Variants in MYO7A observed in about 807,000 individuals in gnomAD.
MYO7A encodes unconventional myosin-VIIa.
In MYO7A, 210 loss-of-function variants were observed where a neutral mutation model predicts 263.8. That is an observed-to-expected ratio of 0.80 (90% confidence interval 0.71 to 0.89). MYO7A has a LOEUF of 0.89. MYO7A is among the 40% of genes least tolerant of loss of function. The pLI is 0.00. For synonymous variants in MYO7A, 1,239 were observed against 1,197.3 expected (o/e 1.03, Z -0.72); for missense variants, 2,820 against 2,968.3 (o/e 0.95, Z 1.16).
In MYO7A at chr11:77,205,625, G is replaced by A. The variant is rs777902873; in HGVS notation, c.5636+8G>A. On this transcript the variant is annotated splice_region_variant and intron_variant, in intron 40 of 48. Coordinates refer to ENST00000409709, the MANE Select transcript of MYO7A (RefSeq NM_000260.4). Reference sequence around the variant, plus strand: ...GCTCCAGAAAGCCCTGAGGTACAGCGGCCACCAGGGGCAGGGACAGACACT... The same window carrying A: ...GCTCCAGAAAGCCCTGAGGTACAGCAGCCACCAGGGGCAGGGACAGACACT... The A allele has an allele frequency of 5.0e-5, 80 of 1,612,844 alleles. No homozygotes were observed. Among genetic ancestry groups the A allele is most frequent in the Non-Finnish European group, 5.6e-5 (66 of 1,179,746 alleles).
chr11:77,175,347 C>T, intron 17 of MYO7A, 25 bp from the exon 18 acceptor site: 2 of 1,610,242 alleles, frequency 1.2e-6, no homozygotes, highest in Non-Finnish European at 1.7e-6. Context: ...TGTCCATTCC[C>T]TTGTGTTCCC....
chr11:77,181,406 G>T lies in MYO7A; in HGVS notation c.2721G>T (p.Glu907Asp). ...AGCGCCTGGCCCAGCTGGCTCGTGA[G>T]GACGCTGAGCGGGAGCTGAAGGAGA... ...HQERLAQLAR[E>D]DAERELKEKE... is the part of the protein sequence containing the mutation. The change falls in exon 23 of 49, where the codon GAG (glutamate) becomes GAT (aspartate). Residue 907 changes from glutamate (E) to aspartate (D), a missense_variant. Physicochemically the swap from Glu to Asp is conservative, Grantham distance 45. Transcript: ENST00000409709. The T allele has an allele frequency of 6.3e-7, 1 of 1,579,342 alleles. No individual in the cohort carries two copies. The highest frequency in any genetic ancestry group is 8.6e-7 in the Non-Finnish European group (1 of 1,163,394).
At chr11:77,185,632 T>G (rs1470514982) in intron 27 of MYO7A, among the ~76,000 whole-genome samples, 1 of 152,226 alleles carries the variant, frequency 6.6e-6, no homozygotes, top group Non-Finnish European at 1.5e-5. Context: ...CAGTCATTCA[T>G]GAAGTTTGGA....
Position 77,142,459 on chromosome 11 carries a change from A to G in MYO7A, c.19-250A>G, listed in dbSNP as rs1446078953. On this transcript the variant is annotated intron_variant, in intron 2 of 48. Transcript: ENST00000409709. The stretch of plus-strand genomic sequence containing the variant: ...CTTTGAGAGGCCTTGGCTCTCTCTG[A>G]GCCTCTGCTAAGTCATCCATAAAAT... 2.4e-5 allele frequency: 13 copies of G among 534,458 alleles called. No homozygotes were observed. In the East Asian group the frequency reaches 3.7e-4, roughly 15 times the overall value. The allele number at this position is 534,458 out of a possible 1,614,324, so 33.1% of individuals were successfully genotyped here.
At position 77,179,028 on chromosome 11, in the gene MYO7A, C is replaced by A; in HGVS notation, c.2283-17C>A. On this transcript the variant is annotated splice_polypyrimidine_tract_variant and intron_variant, in intron 19 of 48. Transcript: ENST00000409709. ...GCCTCTGGACACTGCTCACCCGCGC[C>A]ACTACTGCTGTTTCAGGTCTAACTT... The A allele has an allele frequency of 6.3e-7, 1 of 1,589,964 alleles. No homozygotes were observed. Among genetic ancestry groups the A allele is most frequent in the South Asian group, 1.1e-5 (1 of 87,114 alleles).
intron 2 of MYO7A, among the ~76,000 whole-genome samples, chr11:77,136,915 G>T (rs1159494657): frequency 6.6e-6 from 1 of 152,088 alleles, no homozygotes; most frequent in Non-Finnish European, 1.5e-5. Context: ...TCTGTGCCTG[G>T]GTCTGTCCAC....
At chr11:77,158,462 CCCTGCGCCAAG>C (rs1470576002) in intron 9 of MYO7A, 32 bp downstream of exon 9, 4 of 1,603,320 alleles carry the variant, frequency 2.5e-6, no homozygotes, top group Non-Finnish European at 3.4e-6. Flanking sequence ...CCTGCCCCAC[CCCTGCGCCAAG>C]GGCAGTGCAG....
chr11:77,166,568 C>T (rs1225571103), intron 15 of MYO7A, among the ~76,000 whole-genome samples: 6 of 152,174 alleles, frequency 3.9e-5, no homozygotes, highest in Non-Finnish European at 7.3e-5. Flanking sequence ...GTGCCAGCCC[C>T]AGACCCCATC....
chr11:77,196,952 AC>A (rs1446554302), intron 32 of MYO7A, among the ~76,000 whole-genome samples: 2 of 152,168 alleles, frequency 1.3e-5, no homozygotes, highest in East Asian at 3.9e-4. Context: ...CTCACGGATC[AC>A]CTCACCTCCA....
chr11:77,183,053 C>A lies in MYO7A; in HGVS notation c.3286-15C>A. The stretch of plus-strand genomic sequence containing the variant: ...CTGCTCAGCCACTTGACCCTGATCC[C>A]TGCTGGTCCTGCAGGCCCAGCTCCC... On this transcript the variant is annotated splice_polypyrimidine_tract_variant and intron_variant, in intron 25 of 48. Coordinates refer to ENST00000409709, the MANE Select transcript of MYO7A (RefSeq NM_000260.4). 1 of 1,549,840 alleles carries A rather than the reference C, an allele frequency of 6.5e-7. No individual in the cohort carries two copies. Among genetic ancestry groups the A allele is most frequent in the South Asian group, 1.2e-5 (1 of 84,006 alleles).
chr11:77,147,768 A>G, intron 3 of MYO7A, 30 bp from the exon 4 acceptor site: 19 of 1,602,588 alleles, frequency 1.2e-5, no homozygotes, highest in Non-Finnish European at 1.6e-5. Flanking sequence ...GGGCCCCAGG[A>G]GAGCACGCTG....
chr11:77,156,942 G>A lies in MYO7A; in HGVS notation c.673G>A (p.Gly225Ser), dbSNP rs1041669979. ...CATCGACATCCACTTCAACAAGCGG[G>A]GCGCCATCGAGGGCGCGAAGATTGA... ...KYIDIHFNKR[G>S]AIEGAKIEQY... The change falls in exon 7 of 49, where the codon GGC becomes AGC. Residue 225 changes from glycine to serine, a missense_variant. Gly to Ser is a moderately conservative substitution (Grantham distance 56). Coordinates refer to ENST00000409709, the MANE Select transcript of MYO7A (RefSeq NM_000260.4). 7 of 1,613,986 alleles carry A rather than the reference G, an allele frequency of 4.3e-6. No individual in the cohort carries two copies. The Admixed American group carries it at 1.0e-4, about 23-fold the overall frequency.
chr11:77,148,300 C>T (rs1370315265), intron 4 of MYO7A, among the ~76,000 whole-genome samples: 1 of 152,204 alleles, frequency 6.6e-6, no homozygotes, highest in African/African-American at 2.4e-5. Context: ...GAGGGCAGCT[C>T]TGCTGGGCGT....
chr11:77,156,563 A>G (rs1175453697), intron 5 of MYO7A, 97 bp from the exon 6 acceptor site: 1 of 1,545,612 alleles, frequency 6.5e-7, no homozygotes, highest in Non-Finnish European at 8.9e-7. Context: ...GATATTACAG[A>G]TGGGGGAGCT....
At position 77,138,454 on chromosome 11, in the gene MYO7A, G is replaced by A. The variant is rs535886952; in HGVS notation, c.19-4255G>A. ...GCCAGGAGGGGAGAAGGGAGGGGGA[G>A]GGCGCCTCGCCCCGGGCCTCAGTTT... On this transcript the variant is annotated intron_variant, in intron 2 of 48. Coordinates refer to ENST00000409709, the MANE Select transcript of MYO7A (RefSeq NM_000260.4). The surrounding 1 kb of genome is among the most constrained non-coding windows in gnomAD (Gnocchi z 4.9). 3.3e-5 allele frequency among the ~76,000 whole-genome samples: 5 copies of A among 152,316 alleles called. No homozygotes were observed. Among genetic ancestry groups the A allele is most frequent in the South Asian group, 4.1e-4 (2 of 4,830 alleles).
intron 1 of MYO7A, among the ~76,000 whole-genome samples, chr11:77,129,184 C>G (rs1176093942): frequency 6.6e-6 from 1 of 152,220 alleles, no homozygotes; most frequent in Non-Finnish European, 1.5e-5. Flanking sequence ...ATGGCTCATG[C>G]TGGCATAGGG....
Position 77,183,082 on chromosome 11 carries a change from G to A in MYO7A, c.3300G>A (p.Glu1100=). The A allele has an allele frequency of 6.4e-7, 1 of 1,551,532 alleles. No homozygotes were observed. ...TGGTCCTGCAGGCCCAGCTCCCCGA[G>A]GGCCAGAAGAAGAGCAGTGTGAGGC... ...LQGEGEAQLP[E]GQKKSSVRHK... The change falls in exon 26 of 49, where the codon GAG becomes GAA. Residue 1100 remains glutamate, a synonymous_variant. Transcript: ENST00000409709.
chr11:77,195,026 G>T lies in MYO7A; in HGVS notation c.4323+502G>T, dbSNP rs554734083. On this transcript the variant is annotated intron_variant, in intron 32 of 48. Transcript: ENST00000409709. ...GCAGGGGTATCCAGATGGGGAGAAG[G>T]TGGGAGCACTGGCTGCTGGTAGGGG... Among the ~76,000 whole-genome samples, 99 of 152,196 alleles carry T rather than the reference G, an allele frequency of 6.5e-4. 1 individual carries two copies. Among genetic ancestry groups the T allele is most frequent in the African/African-American group, 2.3e-3 (97 of 41,518 alleles).
intron 8 of MYO7A, 119 bp from the exon 9 acceptor site, chr11:77,158,158 G>A: frequency 8.3e-7 from 1 of 1,203,954 alleles, no homozygotes; most frequent in East Asian, 2.8e-5. Flanking sequence ...AGCGCCTGGG[G>A]CCCCGGGCTG....
Sources: allele counts gnomAD v4.1 joint callset (sites outside exome capture counted in the v4.1 genomes callset), GRCh38; gene constraint gnomAD v4.1.1; non-coding constraint Gnocchi (gnomAD v3.1); transcripts MANE v1.5; gene names NCBI Gene and HGNC (gene_info 2026-07-23, HGNC 2026-07-21).